The following TAFA1 variants were observed in gnomAD, a reference collection of about 807,000 sequenced individuals.
TAFA1 encodes chemokine-like protein TAFA-1.
In TAFA1, 4 loss-of-function variants were observed where a neutral mutation model predicts 18.5. The ratio of observed to expected loss-of-function variants is 0.22; its 90% confidence interval spans 0.11 to 0.49. The LOEUF is 0.49. Ranked by LOEUF, TAFA1 falls within the 20% of genes least tolerant of loss-of-function variation. The pLI is 0.98. For synonymous variants in TAFA1, 56 were observed against 55.2 expected (o/e 1.01, Z -0.06); for missense variants, 147 against 169.0 (o/e 0.87, Z 0.72).
At chr3:68,067,302 A>C (rs1158326453) in intron 2 of TAFA1, among the ~76,000 whole-genome samples, 1 of 152,166 alleles carries the variant, frequency 6.6e-6, no homozygotes, top group African/African-American at 2.4e-5. Flanking sequence ...TCTCCAGGTT[A>C]AACACTCCCA....
chr3:68,399,934 GTCAGCTCAA>G (rs2070456717), intron 2 of TAFA1, among the ~76,000 whole-genome samples: 1 of 152,174 alleles, frequency 6.6e-6, no homozygotes, highest in African/African-American at 2.4e-5. Context: ...TGGTCTCCAT[GTCAGCTCAA>G]TCTCGACTCA....
At chr3:68,190,856 G>A (rs2066329490) in intron 2 of TAFA1, among the ~76,000 whole-genome samples, 1 of 151,776 alleles carries the variant, frequency 6.6e-6, no homozygotes, top group African/African-American at 2.4e-5. Context: ...GCAAAGTAAT[G>A]TGAACTTCCA....
intron 2 of TAFA1, among the ~76,000 whole-genome samples, chr3:68,351,370 A>G (rs1701139535): frequency 3.3e-5 from 5 of 152,084 alleles, no homozygotes; most frequent in African/African-American, 4.8e-5. Flanking sequence ...GAATCAGATA[A>G]ATTGGGGTAA....
At chr3:68,102,979 C>A (rs905742671) in intron 2 of TAFA1, among the ~76,000 whole-genome samples, 1 of 152,206 alleles carries the variant, frequency 6.6e-6, no homozygotes, top group South Asian at 2.1e-4. Context: ...GGCCCTGAAT[C>A]TGTTTCCAGT....
chr3:68,443,420 A>G (rs2071420548), intron 3 of TAFA1, among the ~76,000 whole-genome samples: 1 of 143,114 alleles, frequency 7.0e-6, no homozygotes, highest in South Asian at 2.3e-4. Context: ...TCAGGTCTGT[A>G]TTAGTTTGTT....
intron 2 of TAFA1, among the ~76,000 whole-genome samples, chr3:68,289,930 G>T (rs566686766): frequency 6.6e-6 from 1 of 152,204 alleles, no homozygotes; most frequent in Non-Finnish European, 1.5e-5. Flanking sequence ...CAATGGACTT[G>T]TGTAATAAAT....
In TAFA1 at chr3:68,244,818, GA is replaced by G. The variant is rs1190995304; in HGVS notation, c.119-172455del. On this transcript the variant is annotated intron_variant, in intron 2 of 4. Transcript: ENST00000478136. ...CATTATTAACTGATTATTATTTGCA[GA>G]AAAAAATGCGTGCAGGGTATTGTTA... Among the ~76,000 whole-genome samples the G allele has an allele frequency of 3.3e-5, 5 of 151,970 alleles. No homozygotes were observed. In the East Asian group the frequency reaches 9.6e-4, roughly 29 times the overall value.
chr3:68,138,976 C>A (rs1311679056), intron 2 of TAFA1, among the ~76,000 whole-genome samples: 2 of 152,120 alleles, frequency 1.3e-5, no homozygotes, highest in Non-Finnish European at 1.5e-5. Context: ...AAGAATGAAC[C>A]AGCATATCGA....
intron 2 of TAFA1, among the ~76,000 whole-genome samples, chr3:68,383,658 C>T (rs1209319610): frequency 6.6e-6 from 1 of 152,026 alleles, no homozygotes; most frequent in Non-Finnish European, 1.5e-5. Flanking sequence ...GTTGTTGTAT[C>T]TCCACCAGGT....
At chr3:68,087,395 A>G (rs897883277) in intron 2 of TAFA1, among the ~76,000 whole-genome samples, 2 of 152,184 alleles carry the variant, frequency 1.3e-5, no homozygotes, top group African/African-American at 2.4e-5. Context: ...ATAATAATTA[A>G]TGTTAATACA....
intron 2 of TAFA1, among the ~76,000 whole-genome samples, chr3:68,017,064 A>T (rs904938619): frequency 6.6e-6 from 1 of 152,222 alleles, no homozygotes; most frequent in South Asian, 2.1e-4. Context: ...TCAGCCCTTT[A>T]TAAAAATTGC....
chr3:68,206,126 G>T (rs1438661809), intron 2 of TAFA1, among the ~76,000 whole-genome samples: 2 of 151,768 alleles, frequency 1.3e-5, no homozygotes, highest in African/African-American at 2.4e-5. Context: ...AGCAGTCTTT[G>T]GTGAATGCTA....
chr3:68,400,998 T>G (rs925717997), intron 2 of TAFA1, among the ~76,000 whole-genome samples: 1 of 152,210 alleles, frequency 6.6e-6, no homozygotes, highest in Non-Finnish European at 1.5e-5. Flanking sequence ...AATATTGTGT[T>G]GGCAACAGCA....
chr3:68,364,116 A>G (rs576595778), intron 2 of TAFA1, among the ~76,000 whole-genome samples: 1 of 152,254 alleles, frequency 6.6e-6, no homozygotes, highest in African/African-American at 2.4e-5. Flanking sequence ...GAGTGACAAC[A>G]GAAAGTGAAA....
intron 2 of TAFA1, among the ~76,000 whole-genome samples, chr3:68,239,608 T>C (rs530962365): frequency 6.6e-6 from 1 of 152,200 alleles, no homozygotes; most frequent in Non-Finnish European, 1.5e-5. Flanking sequence ...TCTATGCTTA[T>C]TGGATAGCTC....
chr3:68,282,832 A>G (rs1052801745), intron 2 of TAFA1, among the ~76,000 whole-genome samples: 8 of 152,138 alleles, frequency 5.3e-5, no homozygotes, highest in Non-Finnish European at 1.2e-4. Flanking sequence ...TTCCAGGTTA[A>G]TTGATTCCAG....
chr3:68,483,334 C>T (rs1373259693), intron 3 of TAFA1, among the ~76,000 whole-genome samples: 4 of 152,104 alleles, frequency 2.6e-5, no homozygotes, highest in East Asian at 1.9e-4. Context: ...ACTGTACTCT[C>T]GTAGCAGGGA....
At chr3:68,213,662 C>T (rs1439098528) in intron 2 of TAFA1, among the ~76,000 whole-genome samples, 1 of 152,046 alleles carries the variant, frequency 6.6e-6, no homozygotes, top group Non-Finnish European at 1.5e-5. Flanking sequence ...GGAAGATGCA[C>T]ACCTTACGTG....
At position 68,041,723 on chromosome 3, in the gene TAFA1, T is replaced by A. The variant is rs530855673; in HGVS notation, c.118+34979T>A. On this transcript the variant is annotated intron_variant, in intron 2 of 4. Coordinates refer to ENST00000478136, the MANE Select transcript of TAFA1 (RefSeq NM_213609.4). ...CAAAAGCCATGTTCTCTAGGACTTTTCCCACTATAAACCAGAGTTTTCTCA... is the reference window on the plus strand; with the variant it reads ...CAAAAGCCATGTTCTCTAGGACTTTACCCACTATAAACCAGAGTTTTCTCA... Among the ~76,000 whole-genome samples the A allele has an allele frequency of 3.3e-5, 5 of 152,360 alleles. No homozygotes were observed. The East Asian group carries it at 9.6e-4, about 29-fold the overall frequency.
Sources: allele counts gnomAD v4.1 joint callset (sites outside exome capture counted in the v4.1 genomes callset), GRCh38; gene constraint gnomAD v4.1.1; transcripts MANE v1.5; gene names NCBI Gene and HGNC (gene_info 2026-07-23, HGNC 2026-07-21).